The following CDKAL1 variants were observed in gnomAD, a reference collection of about 807,000 sequenced individuals.
CDKAL1 encodes the protein CDKAL1 threonylcarbamoyladenosine tRNA methylthiotransferase.
Under a neutral mutation model 68.2 loss-of-function variants are expected in CDKAL1, and 32 were observed. The ratio of observed to expected loss-of-function variants is 0.47; its 90% CI spans 0.35 to 0.63. CDKAL1 has a LOEUF of 0.63. Among genes scored for constraint, CDKAL1 ranks in the 30% least tolerant of loss-of-function variants. The probability of loss-of-function intolerance (pLI) is 0.00; values close to 1 mark genes in which losing one functional copy is unlikely to be tolerated. For missense variants in CDKAL1, 606 were observed against 696.7 expected (o/e 0.87, Z 1.47); for synonymous variants, 234 against 244.3 (o/e 0.96, Z 0.39).
chr6:20,731,224 C>T (rs375091176), intron 5 of CDKAL1, among the ~76,000 whole-genome samples: 2 of 152,142 alleles, frequency 1.3e-5, no homozygotes, highest in Non-Finnish European at 2.9e-5. Context: ...ATATATGAAA[C>T]GATTTTCAGG....
chr6:20,949,614 A>T (rs1206346730), intron 9 of CDKAL1, among the ~76,000 whole-genome samples: 2 of 152,164 alleles, frequency 1.3e-5, no homozygotes, highest in African/African-American at 4.8e-5. Flanking sequence ...AGGCATCATG[A>T]TAGGTCCTAG....
chr6:20,937,574 C>T (rs1455224281), intron 9 of CDKAL1, among the ~76,000 whole-genome samples: 1 of 152,222 alleles, frequency 6.6e-6, no homozygotes, highest in Non-Finnish European at 1.5e-5. Flanking sequence ...TCTCCTCAGT[C>T]TCTTCACTTC....
intron 2 of CDKAL1, among the ~76,000 whole-genome samples, chr6:20,545,782 C>T (rs1451547273): frequency 1.3e-5 from 2 of 152,082 alleles, no homozygotes; most frequent in East Asian, 3.9e-4. Flanking sequence ...TTCTGAGGTC[C>T]TTTTAAAGTA....
Position 21,129,183 on chromosome 6 carries a change from A to G in CDKAL1, c.1299+20720A>G, listed in dbSNP as rs558925748. On this transcript the variant is annotated intron_variant, in intron 13 of 15. Coordinates refer to ENST00000274695, the MANE Select transcript of CDKAL1 (RefSeq NM_017774.3). ...TTGTTAAATAATAATTATAAATTCT[A>G]TCCATAAGTATTTATTACTGTAACT... Among the ~76,000 whole-genome samples, 37 of 152,334 alleles carry G rather than the reference A, an allele frequency of 2.4e-4. 1 individual carries two copies. In the Middle Eastern group the frequency reaches 0.024, roughly 99 times the overall value.
intron 11 of CDKAL1, among the ~76,000 whole-genome samples, chr6:21,046,409 G>T (rs1303375411): frequency 6.6e-6 from 1 of 152,218 alleles, no homozygotes; most frequent in Non-Finnish European, 1.5e-5. Flanking sequence ...AGAAGAAGGG[G>T]GCAGTGGGTA....
intron 11 of CDKAL1, among the ~76,000 whole-genome samples, chr6:21,057,682 C>CTG (rs34142046): frequency 0.48 from 72,052 of 151,540 alleles, 17,244 homozygotes; most frequent in South Asian, 0.54. Context: ...CCTCTTAACA[C>CTG]TGTTAGCTCA....
chr6:20,858,654 G>A (rs931371474), intron 9 of CDKAL1, among the ~76,000 whole-genome samples: 1 of 152,090 alleles, frequency 6.6e-6, no homozygotes, highest in Non-Finnish European at 1.5e-5. Context: ...AATTGTAGTA[G>A]GAATCTGCAG....
At chr6:21,141,422 A>G (rs1028962655) in intron 13 of CDKAL1, among the ~76,000 whole-genome samples, 3 of 152,210 alleles carry the variant, frequency 2.0e-5, no homozygotes, top group African/African-American at 7.2e-5. Context: ...CATTTGTCCC[A>G]GTGAATTATG....
At chr6:20,664,574 T>A (rs1769439314) in intron 5 of CDKAL1, among the ~76,000 whole-genome samples, 1 of 152,170 alleles carries the variant, frequency 6.6e-6, no homozygotes, top group Admixed American at 6.6e-5. Flanking sequence ...AGTCAACATA[T>A]TTTGTAGTAT....
chr6:20,750,699 C>T (rs1773877674), intron 6 of CDKAL1, among the ~76,000 whole-genome samples: 1 of 152,090 alleles, frequency 6.6e-6, no homozygotes, highest in African/African-American at 2.4e-5. Flanking sequence ...CGTGGTGACT[C>T]ATGCCTGTAA....
chr6:20,992,208 A>ATG (rs1554155271), intron 10 of CDKAL1, among the ~76,000 whole-genome samples: 22,547 of 144,516 alleles, frequency 0.16, 2,435 homozygotes, highest in Middle Eastern at 0.24. Flanking sequence ...ATATATATAT[A>ATG]TATGTATTTT....
intron 2 of CDKAL1, among the ~76,000 whole-genome samples, chr6:20,535,640 A>T (rs1461017247): frequency 6.6e-6 from 1 of 151,966 alleles, no homozygotes; most frequent in Admixed American, 6.6e-5. Flanking sequence ...TCCATGGCCC[A>T]TGGATTTTTT....
At chr6:20,793,762 G>C (rs59212709) in intron 8 of CDKAL1, among the ~76,000 whole-genome samples, 11 of 144,636 alleles carry the variant, frequency 7.6e-5, no homozygotes, top group Admixed American at 1.4e-4. Context: ...TTCAGGGATT[G>C]TTTTTTTTTA....
intron 11 of CDKAL1, among the ~76,000 whole-genome samples, chr6:21,012,283 T>A (rs1768067620): frequency 6.6e-6 from 1 of 152,032 alleles, no homozygotes; most frequent in Admixed American, 6.6e-5. Flanking sequence ...CTTTAAAGAG[T>A]CTCTTGGAAA....
intron 13 of CDKAL1, among the ~76,000 whole-genome samples, chr6:21,150,584 A>C (rs1776370165): frequency 6.6e-6 from 1 of 152,206 alleles, no homozygotes; most frequent in Non-Finnish European, 1.5e-5. Context: ...AGTGTGTGTC[A>C]GTTAGCCAAA....
intron 8 of CDKAL1, among the ~76,000 whole-genome samples, chr6:20,812,975 A>T (rs1776885619): frequency 6.6e-6 from 1 of 152,210 alleles, no homozygotes; most frequent in Non-Finnish European, 1.5e-5. Context: ...CCTTGGCACC[A>T]ACACCCAATA....
intron 7 of CDKAL1, among the ~76,000 whole-genome samples, chr6:20,760,936 T>C (rs1027229230): frequency 6.6e-6 from 1 of 152,188 alleles, no homozygotes; most frequent in Non-Finnish European, 1.5e-5. Context: ...AATTTTTTGC[T>C]CTATAAAAGA....
intron 4 of CDKAL1, among the ~76,000 whole-genome samples, chr6:20,571,745 T>C (rs1216030766): frequency 6.6e-6 from 1 of 151,892 alleles, no homozygotes; most frequent in Admixed American, 6.6e-5. Context: ...ATAGCAGATA[T>C]AAAATGGAAA....
At chr6:20,944,708 A>G (rs150510306) in intron 9 of CDKAL1, among the ~76,000 whole-genome samples, 43 of 152,334 alleles carry the variant, frequency 2.8e-4, no homozygotes, top group African/African-American at 1.0e-3. Context: ...TGGATATTAC[A>G]TATTCCTCTA....
Sources: gnomAD v4.1 joint callset for allele counts (sites outside exome capture counted in the v4.1 genomes callset) on GRCh38, gnomAD v4.1.1 for gene constraint, MANE v1.5 for transcripts, NCBI Gene and HGNC (gene_info 2026-07-23, HGNC 2026-07-21) for gene names.